KCNN2: variants seen among roughly 807,000 people sequenced by gnomAD.
The protein encoded by KCNN2 is potassium calcium-activated channel subfamily N member 2.
Under a neutral mutation model 55.5 loss-of-function variants are expected in KCNN2, and 24 were observed. The observed-to-expected ratio is 0.43, with a 90% CI of 0.31 to 0.61. The LOEUF (loss-of-function observed/expected upper bound fraction) is 0.61, where lower values mean the gene tolerates loss of function less well. Among genes scored for constraint, KCNN2 ranks in the 20% least tolerant of loss-of-function variants. The pLI is 0.08. For synonymous variants in KCNN2, 431 were observed against 336.1 expected (o/e 1.28, Z -3.09); for missense variants, 754 against 853.6 (o/e 0.88, Z 1.45).
chr5:114,200,169 T>TG (rs1180714573), intron 1 of KCNN2, among the ~76,000 whole-genome samples: 15 of 152,178 alleles, frequency 9.9e-5, no homozygotes, highest in Non-Finnish European at 1.6e-4. Flanking sequence ...TAGTCCCAGA[T>TG]GTCACAAAGG....
At chr5:114,267,135 A>G (rs905792367) in intron 2 of KCNN2, among the ~76,000 whole-genome samples, 2 of 152,080 alleles carry the variant, frequency 1.3e-5, no homozygotes, top group Non-Finnish European at 2.9e-5. Flanking sequence ...AGCTGGGACT[A>G]AAGGCGTATG....
intron 5 of KCNN2, among the ~76,000 whole-genome samples, chr5:114,481,702 T>G (rs905338134): frequency 6.6e-6 from 1 of 151,976 alleles, no homozygotes; most frequent in South Asian, 2.1e-4. Flanking sequence ...AACAGACACA[T>G]AGACCAATGG....
At chr5:114,069,344 A>C (rs1472423611) in intron 1 of KCNN2, among the ~76,000 whole-genome samples, 1 of 99,608 alleles carries the variant, frequency 1.0e-5, no homozygotes, top group Non-Finnish European at 2.0e-5. Flanking sequence ...AATAGCATGC[A>C]TCCTTTTGCC....
At position 114,338,271 on chromosome 5, in the gene KCNN2, T is replaced by C. The variant is rs1756955225; in HGVS notation, c.-184-22674T>C. Among the ~76,000 whole-genome samples, 7 of 152,320 alleles carry C rather than the reference T, an allele frequency of 4.6e-5. No homozygotes were observed. The South Asian group carries it at 1.4e-3, about 32-fold the overall frequency. On this transcript the variant is annotated intron_variant, in intron 2 of 10. Coordinates refer to the KCNN2 transcript ENST00000512097. ...GAGCTAAGAGGACTTGAATTAGTAA[T>C]AAGCACAGGGAGGTGATGATAAAGA... is the stretch of plus-strand genomic sequence containing the variant.
intron 4 of KCNN2, among the ~76,000 whole-genome samples, chr5:114,471,252 T>C (rs1203335427): frequency 6.6e-6 from 1 of 152,162 alleles, no homozygotes; most frequent in Non-Finnish European, 1.5e-5. Flanking sequence ...GCTCAAGTCC[T>C]TTATAAAATA....
At chr5:114,109,340 T>C (rs1033731247) in intron 1 of KCNN2, among the ~76,000 whole-genome samples, 7 of 152,228 alleles carry the variant, frequency 4.6e-5, no homozygotes, top group Admixed American at 3.3e-4. Flanking sequence ...GTTACCATCT[T>C]ATGTAACATA....
Position 114,272,331 on chromosome 5 carries a change from TATACACACATATATGTATGTACATACC to T in KCNN2, c.-185+50770_-185+50796del, listed in dbSNP as rs1561548964. ...ACACACACACATATATGTATGTACA[TATACACACATATATGTATGTACATACC>T]ATATACACACACATATGTATGTACA... On this transcript the variant is annotated intron_variant, in intron 2 of 10. Transcript: ENST00000512097. Among the ~76,000 whole-genome samples the T allele has an allele frequency of 3.6e-4, 46 of 128,754 alleles. 3 individuals are homozygous for T. Among genetic ancestry groups the T allele is most frequent in the African/African-American group, 1.2e-3 (39 of 33,730 alleles). 84.5% of individuals were successfully genotyped at this position (128,754 alleles called of 152,430 possible).
intron 1 of KCNN2, among the ~76,000 whole-genome samples, chr5:114,085,776 T>C (rs1455120916): frequency 6.6e-6 from 1 of 152,106 alleles, no homozygotes; most frequent in African/African-American, 2.4e-5. Context: ...GTCTCCTTTA[T>C]ATTTACTAAC....
chr5:114,277,114 A>G (rs1755506747), intron 2 of KCNN2, among the ~76,000 whole-genome samples: 1 of 152,172 alleles, frequency 6.6e-6, no homozygotes, highest in Non-Finnish European at 1.5e-5. Flanking sequence ...TTGGCTGGAT[A>G]TGAAATTCTG....
chr5:114,079,214 A>G (rs1056857183), intron 1 of KCNN2, among the ~76,000 whole-genome samples: 2 of 152,198 alleles, frequency 1.3e-5, no homozygotes, highest in Non-Finnish European at 2.9e-5. Flanking sequence ...AGAGAAAGAG[A>G]CTTTTAATGA....
rs34000645 is a variant in KCNN2 at position 114,315,421 on chromosome 5, C to CTGTG, written c.-184-45482_-184-45479dup. ...GTGTACCACCCATGGAAGGCAGAAACTGTGTGTGTGTGTGTGTGTGTGTGT... is the reference window on the plus strand; with the variant it reads ...GTGTACCACCCATGGAAGGCAGAAACTGTGTGTGTGTGTGTGTGTGTGTGTGTGT... On this transcript the variant is annotated intron_variant, in intron 2 of 10. Transcript: ENST00000512097. Among the ~76,000 whole-genome samples, 390 of 142,982 alleles carry CTGTG rather than the reference C, an allele frequency of 2.7e-3. 1 individual carries two copies. Among genetic ancestry groups the CTGTG allele is most frequent in the Non-Finnish European group, 3.4e-3 (226 of 65,788 alleles). The allele number at this position is 142,982 out of a possible 152,430, so 93.8% of individuals were successfully genotyped here.
chr5:114,095,981 A>G (rs1014123349), intron 1 of KCNN2, among the ~76,000 whole-genome samples: 7 of 152,098 alleles, frequency 4.6e-5, no homozygotes, highest in African/African-American at 2.4e-5. Context: ...TATGTCATCT[A>G]TCTGGCCTAT....
intron 3 of KCNN2, among the ~76,000 whole-genome samples, chr5:114,452,759 T>A (rs1215246370): frequency 2.6e-5 from 4 of 152,204 alleles, no homozygotes; most frequent in African/African-American, 9.6e-5. Context: ...AATATGCCGC[T>A]ACAGTGAATA....
intron 4 of KCNN2, among the ~76,000 whole-genome samples, chr5:114,467,442 T>C (rs1170194150): frequency 6.6e-6 from 1 of 152,164 alleles, no homozygotes. Context: ...CAATTTGACA[T>C]TGGGTGTTTA....
At chr5:114,486,435 C>CA (rs2150136693) in intron 5 of KCNN2, among the ~76,000 whole-genome samples, 1 of 152,308 alleles carries the variant, frequency 6.6e-6, no homozygotes, top group Admixed American at 6.5e-5. Flanking sequence ...GCAGTGCTTT[C>CA]ACCCTTCTCA....
At chr5:114,135,016 AG>A in intron 1 of KCNN2, among the ~76,000 whole-genome samples, 1 of 152,324 alleles carries the variant, frequency 6.6e-6, no homozygotes, top group East Asian at 1.9e-4. Flanking sequence ...AGTAAAATAA[AG>A]AAATGTAGAA....
intron 1 of KCNN2, among the ~76,000 whole-genome samples, chr5:114,176,820 TG>T (rs1030604529): frequency 6.6e-6 from 1 of 152,174 alleles, no homozygotes; most frequent in African/African-American, 2.4e-5. Flanking sequence ...TAATAACTTT[TG>T]GAGATTTATT....
At chr5:114,192,618 A>G (rs1044046900) in intron 1 of KCNN2, among the ~76,000 whole-genome samples, 3 of 152,060 alleles carry the variant, frequency 2.0e-5, no homozygotes, top group African/African-American at 7.2e-5. Context: ...CATCTTCGGG[A>G]GTCCCTGAAA....
chr5:114,433,047 C>G (rs1393499875), intron 3 of KCNN2, among the ~76,000 whole-genome samples: 1 of 152,198 alleles, frequency 6.6e-6, no homozygotes, highest in Non-Finnish European at 1.5e-5. Flanking sequence ...CATCGACCAC[C>G]CAAGGGCTGA....
Sources: gnomAD v4.1 joint callset for allele counts (sites outside exome capture counted in the v4.1 genomes callset) on GRCh38, gnomAD v4.1.1 for gene constraint, MANE v1.5 for transcripts, NCBI Gene and HGNC (gene_info 2026-07-23, HGNC 2026-07-21) for gene names.